Variants in ABR observed in about 807,000 individuals in gnomAD.
ABR encodes ABR activator of RhoGEF and GTPase.
A neutral mutation model predicts 107.2 loss-of-function variants in ABR; 35 were observed. That is an observed-to-expected ratio of 0.33 (90% CI 0.25 to 0.43). The LOEUF (loss-of-function observed/expected upper bound fraction) is 0.43, where lower values mean the gene tolerates loss of function less well. Among genes scored for constraint, ABR ranks in the 20% least tolerant of loss-of-function variants. The pLI, the probability that ABR is intolerant of heterozygous loss-of-function variation, is 1.00. For missense variants in ABR, 815 were observed against 1,115.2 expected (o/e 0.73, Z 3.83); for synonymous variants, 498 against 462.0 (o/e 1.08, Z -1.00).
chr17:1,077,507 T>C (rs984824661), intron 6 of ABR, among the ~76,000 whole-genome samples: 1 of 152,088 alleles, frequency 6.6e-6, no homozygotes, highest in African/African-American at 2.4e-5. Context: ...CAATTTCAAG[T>C]GAGAACAGGG....
At chr17:1,042,212 C>T (rs549038825) in intron 16 of ABR, among the ~76,000 whole-genome samples, 3 of 152,216 alleles carry the variant, frequency 2.0e-5, no homozygotes, top group South Asian at 4.1e-4. Flanking sequence ...CCTACATCCA[C>T]GGACGGACGG....
At position 1,147,993 on chromosome 17, in the gene ABR, C is replaced by T. The variant is rs539434576; in HGVS notation, c.62-22626G>A. ...GGTAGAAGCTGGCACCTGAGGGCCA[C>T]GCCTTCCCAGCCAGCATGATGGCCC... On this transcript the variant is annotated intron_variant, in intron 1 of 22. Coordinates refer to ENST00000302538, the MANE Select transcript of ABR (RefSeq NM_021962.5). Among the ~76,000 whole-genome samples, 27 of 152,272 alleles carry T rather than the reference C, an allele frequency of 1.8e-4. No homozygotes were observed. The South Asian group carries it at 4.6e-3, about 26-fold the overall frequency.
In ABR at chr17:1,150,524, C is replaced by T. The variant is rs939883113; in HGVS notation, c.62-25157G>A. On this transcript the variant is annotated intron_variant, in intron 1 of 22. Coordinates refer to ENST00000302538, the MANE Select transcript of ABR (RefSeq NM_021962.5). This position sits in a 1 kb window ranked among gnomAD's most constrained non-coding sequence, Gnocchi z 4.8. ...GTGGGCAATACACAGGTTGCCCAAG[C>T]GCCGAGAGAGGCCCAGGAGGACGGG... Among the ~76,000 whole-genome samples the T allele has an allele frequency of 2.6e-5, 4 of 152,172 alleles. No homozygotes were observed. The highest frequency in any genetic ancestry group is 2.1e-4 in the South Asian group (1 of 4,826).
chr17:1,127,865 G>A (rs529505039), intron 1 of ABR, among the ~76,000 whole-genome samples: 3 of 152,324 alleles, frequency 2.0e-5, no homozygotes, highest in Admixed American at 1.3e-4. Context: ...AGAGGACCAC[G>A]GGCCCTGCCA....
In ABR at chr17:1,123,651, C is replaced by A. The variant is rs567541345; in HGVS notation, c.246+1532G>T. Among the ~76,000 whole-genome samples, 9 of 152,350 alleles carry A rather than the reference C, an allele frequency of 5.9e-5. No homozygotes were observed. The East Asian group carries it at 1.7e-3, about 29-fold the overall frequency. On this transcript the variant is annotated intron_variant, in intron 2 of 22. Transcript: ENST00000302538. ...GCCCCACACCGGGATTCCGCAGCAT[C>A]TTCCTGCAGCTGCTCACAGTGGGGT...
upstream of ABR, among the ~76,000 whole-genome samples, chr17:1,189,350 C>CTTTT (rs202096936): frequency 0.019 from 2,622 of 137,646 alleles, 89 homozygotes; most frequent in African/African-American, 0.067. Context: ...CTATGGCTTC[C>CTTTT]TTTTTTTTTT....
chr17:1,103,705 G>A (rs1356485049), intron 2 of ABR, among the ~76,000 whole-genome samples: 1 of 152,152 alleles, frequency 6.6e-6, no homozygotes, highest in African/African-American at 2.4e-5. Context: ...CCCTCAAGAG[G>A]CAACAGTCAG....
rs191238394 is a variant in ABR, at chr17:1,032,772, C to T, written c.1791+17278G>A. ...CAAGGTAACAGTGCAAGTTAGAGTA[C>T]GGTATTCAGAGAAAAGAGAAAGGCT... On this transcript the variant is annotated intron_variant, in intron 16 of 22. Transcript: ENST00000302538. Among the ~76,000 whole-genome samples the T allele has an allele frequency of 4.5e-4, 68 of 152,278 alleles. 1 individual carries two copies. Among genetic ancestry groups the T allele is most frequent in the Admixed American group, 2.4e-3 (36 of 15,298 alleles).
chr17:1,073,593 C>T, intron 7 of ABR, 32 bp downstream of exon 7: 1 of 1,525,322 alleles, frequency 6.6e-7, no homozygotes, highest in Non-Finnish European at 8.9e-7. Flanking sequence ...ACTCCTAAGC[C>T]CTCTCTGGCC....
At position 1,031,865 on chromosome 17, in the gene ABR, C is replaced by A. The variant is rs1597455665; in HGVS notation, c.1791+18185G>T. 38 of 1,200,826 alleles carry A rather than the reference C, an allele frequency of 3.2e-5. No homozygotes were observed. The South Asian group carries it at 1.4e-3, about 44-fold the overall frequency. 74.4% of individuals were successfully genotyped at this position (1,200,826 alleles called of 1,614,324 possible). On this transcript the variant is annotated intron_variant, in intron 16 of 22. Transcript: ENST00000302538. ...CCGCGCTCGCCTCCCTCCCTCCCTC[C>A]CTCCCCGCGCTCCCCTCCCTCCCTC...
intron 2 of ABR, among the ~76,000 whole-genome samples, chr17:1,120,268 CTTT>C (rs544605245): frequency 4.3e-4 from 64 of 149,660 alleles, no homozygotes; most frequent in African/African-American, 1.5e-3. Flanking sequence ...TTTTTTTTTC[CTTT>C]TTTTCTTTTT....
At chr17:1,188,583 G>C (rs1478984887), upstream of ABR, among the ~76,000 whole-genome samples, 6 of 152,002 alleles carry the variant, frequency 3.9e-5, no homozygotes, top group Non-Finnish European at 8.8e-5. Context: ...AATAACTAGG[G>C]GTCGCTACTA....
chr17:1,031,907 T>G, intron 16 of ABR: 5 of 537,308 alleles, frequency 9.3e-6, no homozygotes, highest in Non-Finnish European at 9.4e-6. Flanking sequence ...TCCGCGTCCC[T>G]CCTCCCTCCT....
intron 16 of ABR, among the ~76,000 whole-genome samples, chr17:1,024,246 C>G (rs1597416019): frequency 6.6e-6 from 1 of 152,168 alleles, no homozygotes; most frequent in African/African-American, 2.4e-5. Context: ...GAAGAACCGT[C>G]TTGCCTGTTG....
chr17:1,132,227 A>G (rs1487864945), intron 1 of ABR, among the ~76,000 whole-genome samples: 2 of 152,010 alleles, frequency 1.3e-5, no homozygotes, highest in Admixed American at 6.6e-5. Flanking sequence ...AGACACGCAC[A>G]CACACACATA....
chr17:1,113,686 G>C (rs577551306), intron 2 of ABR, among the ~76,000 whole-genome samples: 10 of 152,262 alleles, frequency 6.6e-5, no homozygotes, highest in African/African-American at 2.4e-4. Flanking sequence ...GGTGCCCTCA[G>C]AGCCCACTCT....
In ABR at chr17:1,054,683, CACAAGGAACCTCAG is replaced by C. The variant is rs1198846916; in HGVS notation, c.1561+1338_1561+1351del. Among the ~76,000 whole-genome samples, 7 of 55,522 alleles carry C rather than the reference CACAAGGAACCTCAG, an allele frequency of 1.3e-4. 1 individual carries two copies. The highest frequency in any genetic ancestry group is 4.1e-4 in the African/African-American group (6 of 14,496). 36.4% of individuals were successfully genotyped at this position (55,522 alleles called of 152,430 possible). On this transcript the variant is annotated intron_variant, in intron 14 of 22. Transcript: ENST00000302538. Reference sequence around the variant, plus strand: ...CACAAGGAACCTGAGGGGATGGGGGCACAAGGAACCTCAGGGGATGGGGGCACAAGGAACCTGAG... The same window carrying C: ...CACAAGGAACCTGAGGGGATGGGGGCGGGATGGGGGCACAAGGAACCTGAG...
chr17:1,057,632 G>A (rs1331169849), intron 12 of ABR, among the ~76,000 whole-genome samples: 1 of 149,808 alleles, frequency 6.7e-6, no homozygotes, highest in Non-Finnish European at 1.5e-5. Context: ...GTAAGCCACC[G>A]TACCCAGCCT....
At chr17:1,187,653 G>A (rs183193228), upstream of ABR, among the ~76,000 whole-genome samples, 30 of 152,334 alleles carry the variant, frequency 2.0e-4, no homozygotes, top group African/African-American at 7.0e-4. Flanking sequence ...ACTTTGGGAG[G>A]CCAGTGTGGG....
Sources: allele counts gnomAD v4.1 joint callset (sites outside exome capture counted in the v4.1 genomes callset), GRCh38; gene constraint gnomAD v4.1.1; non-coding constraint Gnocchi (gnomAD v3.1); transcripts MANE v1.5; gene names NCBI Gene and HGNC (gene_info 2026-07-23, HGNC 2026-07-21).